Variants in PHYH observed in about 807,000 individuals in gnomAD.
PHYH encodes the protein phytanoyl-CoA dioxygenase, peroxisomal.
A neutral mutation model predicts 38.5 loss-of-function variants in PHYH; 32 were observed. The ratio of observed to expected loss-of-function variants is 0.83; its 90% CI spans 0.63 to 1.12. The LOEUF (loss-of-function observed/expected upper bound fraction) is 1.12. Ranked by LOEUF, PHYH falls within the 50% of genes most tolerant of loss-of-function variation. The pLI, the probability that PHYH is intolerant of heterozygous loss-of-function variation, is 0.00. For synonymous variants in PHYH, 166 were observed against 157.9 expected, an observed-to-expected ratio of 1.05 and a Z score of -0.38; for missense variants, 426 against 434.8, an observed-to-expected ratio of 0.98 and a Z score of 0.18.
Position 13,283,671 on chromosome 10 carries a change from C to A in PHYH, c.828+19G>T, listed in dbSNP as rs750121492. The A allele has an allele frequency of 8.1e-6, 13 of 1,612,846 alleles. No individual in the cohort carries two copies. Among genetic ancestry groups the A allele is most frequent in the Admixed American group, 3.3e-5 (2 of 59,978 alleles). On this transcript the variant is annotated intron_variant, in intron 7 of 8. Coordinates refer to ENST00000263038, the MANE Select transcript of PHYH (RefSeq NM_006214.4). ...CTAACCCACACTTCTGCAGCAGGTG[C>A]AGCAATGTGAATGCTTACCTTCCGG... is the stretch of plus-strand genomic sequence containing the variant.
chr10:13,279,200 G>A (rs1016534767), intron 8 of PHYH, among the ~76,000 whole-genome samples: 1 of 151,930 alleles, frequency 6.6e-6, no homozygotes, highest in African/African-American at 2.4e-5. Context: ...GTTTCACCAT[G>A]TTGGTAAGGC....
intron 1 of PHYH, chr10:13,299,669 G>C: frequency 8.2e-7 from 1 of 1,213,188 alleles, no homozygotes; most frequent in South Asian, 2.6e-5. Context: ...ACGCGCCGCC[G>C]GTGAAACGAC....
intron 2 of PHYH, among the ~76,000 whole-genome samples, chr10:13,297,062 A>G (rs540956347): frequency 6.6e-6 from 1 of 152,184 alleles, no homozygotes; most frequent in East Asian, 1.9e-4. Context: ...ACTATATGAA[A>G]AAAAGAAAAG....
At chr10:13,298,868 TGCAGA>T (rs1348626074) in intron 1 of PHYH, among the ~76,000 whole-genome samples, 2 of 21,036 alleles carry the variant, frequency 9.5e-5, no homozygotes, top group South Asian at 4.2e-3. Flanking sequence ...GGGCCGACAT[TGCAGA>T]GTGCGGCACT....
At chr10:13,291,104 CAAAAAAAAAAA>C (rs367712215) in intron 5 of PHYH, among the ~76,000 whole-genome samples, 1 of 76,368 alleles carries the variant, frequency 1.3e-5, no homozygotes, top group Non-Finnish European at 2.4e-5. Context: ...AACTCCATCT[CAAAAAAAAAAA>C]AAAAAAAAAA....
Position 13,288,538 on chromosome 10 carries a change from T to C in PHYH, c.500A>G (p.Lys167Arg). Residue 167 changes from lysine (K) to arginine (R), a missense_variant, in exon 6 of 9, where the codon AAG (lysine) becomes AGG (arginine). Lys to Arg is a conservative substitution (Grantham distance 26). Transcript: ENST00000263038. ...MLINKPPDSG[K>R]KTSRHPLHQD... ...GTGCAGGGGGTGACGGGACGTCTTC[T>C]TGCCTGAAAAGAAAACCTGCTACTA... 1 of 1,614,016 alleles carries C rather than the reference T, an allele frequency of 6.2e-7. No homozygotes were observed. Among genetic ancestry groups the C allele is most frequent in the Non-Finnish European group, 8.5e-7 (1 of 1,179,986 alleles).
intron 1 of PHYH, 128 bp from the exon 2 acceptor site, chr10:13,298,373 C>G (rs990013424): frequency 1.2e-5 from 8 of 640,430 alleles, no homozygotes; most frequent in Non-Finnish European, 2.0e-5. Flanking sequence ...TCGAGACCAG[C>G]CTGGCCAACA....
In PHYH at chr10:13,300,012, G is replaced by T; in HGVS notation, c.31C>A (p.Gln11Lys). 1 of 1,532,874 alleles carries T rather than the reference G, an allele frequency of 6.5e-7. No homozygotes were observed. Among genetic ancestry groups the T allele is most frequent in the Non-Finnish European group, 8.7e-7 (1 of 1,144,672 alleles). The allele number at this position is 1,532,874 out of a possible 1,614,324, so 95.0% of individuals were successfully genotyped here. A position where few individuals can be genotyped will look rare whatever the true frequency, so the allele number is the denominator to read the frequency against. MEQLRAAARL[Q>K]IVLGHLGRPS... ...CGGCCGAGGTGGCCCAGAACAATCT[G>T]CAGACGGGCGGCGGCGCGAAGCTGC... Residue 11 changes from glutamine to lysine, a missense_variant, in exon 1 of 9, where the codon CAG (glutamine) becomes AAG (lysine). Gln to Lys is a moderately conservative substitution (Grantham distance 53). Transcript: ENST00000263038.
chr10:13,292,872 G>T (rs1835746609), intron 4 of PHYH, among the ~76,000 whole-genome samples: 2 of 148,410 alleles, frequency 1.3e-5, no homozygotes, highest in Non-Finnish European at 3.0e-5. Flanking sequence ...GGCAGAGGTT[G>T]CAGTGAGCTG....
intron 6 of PHYH, among the ~76,000 whole-genome samples, chr10:13,285,644 GC>G (rs1463877031): frequency 2.4e-5 from 3 of 123,906 alleles, no homozygotes; most frequent in Non-Finnish European, 4.9e-5. Context: ...TTGCTTTGTT[GC>G]CCAGGCTGGA....
chr10:13,289,269 C>T (rs1344725345), intron 5 of PHYH, among the ~76,000 whole-genome samples: 1 of 152,164 alleles, frequency 6.6e-6, no homozygotes, highest in Non-Finnish European at 1.5e-5. Context: ...GATCTCGGCT[C>T]ACTGCAAGCT....
At chr10:13,296,726 G>A (rs1215228181) in intron 2 of PHYH, among the ~76,000 whole-genome samples, 1 of 146,436 alleles carries the variant, frequency 6.8e-6, no homozygotes, top group East Asian at 1.9e-4. Flanking sequence ...TTGGGAGGCT[G>A]AGGTGGGCGG....
At chr10:13,290,223 A>C (rs905855892) in intron 5 of PHYH, among the ~76,000 whole-genome samples, 3 of 151,048 alleles carry the variant, frequency 2.0e-5, no homozygotes, top group Non-Finnish European at 4.4e-5. Flanking sequence ...CAAACCCCAG[A>C]GGCAGAGGTT....
At chr10:13,298,393 C>A in intron 1 of PHYH, 148 bp from the exon 2 acceptor site, 1 of 602,014 alleles carries the variant, frequency 1.7e-6, no homozygotes, top group Non-Finnish European at 3.1e-6. Context: ...ATGGTGAAAC[C>A]CCATCTCTAC....
intron 4 of PHYH, 31 bp from the exon 5 acceptor site, chr10:13,291,943 C>T (rs1211037078): frequency 6.7e-7 from 1 of 1,483,222 alleles, no homozygotes; most frequent in South Asian, 1.1e-5. Flanking sequence ...CAAAAACAAA[C>T]CTTGTGGGAA....
intron 3 of PHYH, 73 bp downstream of exon 3, chr10:13,295,423 C>T (rs888134966): frequency 2.2e-5 from 18 of 834,504 alleles, no homozygotes; most frequent in Admixed American, 5.2e-5. Context: ...AAGCCAGGAG[C>T]GAATCCACCT....
chr10:13,286,636 G>A (rs900280548), intron 6 of PHYH, among the ~76,000 whole-genome samples: 3 of 151,692 alleles, frequency 2.0e-5, no homozygotes, highest in East Asian at 3.9e-4. Flanking sequence ...GGGAGTCGGA[G>A]GTTGCAGTGA....
At position 13,300,015 on chromosome 10, in the gene PHYH, G is replaced by T; in HGVS notation, c.28C>A (p.Leu10Met). The T allele has an allele frequency of 6.5e-7, 1 of 1,532,784 alleles. No individual in the cohort carries two copies. The highest frequency in any genetic ancestry group is 8.7e-7 in the Non-Finnish European group (1 of 1,144,634). The allele number at this position is 1,532,784 out of a possible 1,614,324, so 94.9% of individuals were successfully genotyped here. ...CCGAGGTGGCCCAGAACAATCTGCA[G>T]ACGGGCGGCGGCGCGAAGCTGCTCC... MEQLRAAAR[L>M]QIVLGHLGRP... Residue 10 changes from leucine (L) to methionine (M), a missense_variant, in exon 1 of 9, where the codon CTG becomes ATG. Transcript: ENST00000263038.
At chr10:13,278,408 A>G in intron 8 of PHYH, 54 bp from the exon 9 acceptor site, 1 of 1,211,224 alleles carries the variant, frequency 8.3e-7, no homozygotes, top group Non-Finnish European at 1.2e-6. Context: ...TCTGCCCTCC[A>G]TTAACCTTCA....
Sources: allele counts gnomAD v4.1 joint callset (sites outside exome capture counted in the v4.1 genomes callset), GRCh38; gene constraint gnomAD v4.1.1; transcripts MANE v1.5; gene names NCBI Gene and HGNC (gene_info 2026-07-23, HGNC 2026-07-21).